The following VEPH1 variants were observed in gnomAD, a reference collection of about 807,000 sequenced individuals.
The protein encoded by VEPH1 is ventricular zone-expressed PH domain-containing protein homolog 1.
VEPH1 carries 80 observed loss-of-function variants against 85.2 expected under a neutral mutation model. The ratio of observed to expected loss-of-function variants is 0.94; its 90% CI spans 0.78 to 1.13. VEPH1 has a LOEUF of 1.13. Ranked by LOEUF, VEPH1 falls within the 50% of genes most tolerant of loss-of-function variation. The pLI, the probability that VEPH1 is intolerant of heterozygous loss-of-function variation, is 0.00. For synonymous variants in VEPH1, 297 were observed against 348.0 expected, an observed-to-expected ratio of 0.85 and a Z score of 1.63; for missense variants, 955 against 980.5, an observed-to-expected ratio of 0.97 and a Z score of 0.35.
chr3:157,295,951 TCTCAAAAAAAAATAAATAAATAAATAAA>T (rs1481019364), intron 11 of VEPH1, among the ~76,000 whole-genome samples: 1 of 151,882 alleles, frequency 6.6e-6, no homozygotes, highest in Admixed American at 6.6e-5. Flanking sequence ...TGAGACTCCA[TCTCAAAAAAAAATAAATAAATAAATAAA>T]TTATGGTCTA....
At chr3:157,408,206 A>G (rs1224102710) in intron 6 of VEPH1, among the ~76,000 whole-genome samples, 1 of 152,040 alleles carries the variant, frequency 6.6e-6, no homozygotes, top group Non-Finnish European at 1.5e-5. Flanking sequence ...TCTTTCATTT[A>G]TGTCACCTCC....
Position 157,338,624 on chromosome 3 carries a change from A to T in VEPH1, c.1736-21423T>A, listed in dbSNP as rs533504595. ...TCTTAACTATTCTGTTTCTTTTTCAATGCTGAGATTCAGATATCATTTATT... is the reference window on the plus strand; with the variant it reads ...TCTTAACTATTCTGTTTCTTTTTCATTGCTGAGATTCAGATATCATTTATT... On this transcript the variant is annotated intron_variant, in intron 9 of 13. Transcript: ENST00000362010. Among the ~76,000 whole-genome samples the T allele has an allele frequency of 8.5e-5, 13 of 152,144 alleles. No homozygotes were observed. The East Asian group carries it at 2.5e-3, about 29-fold the overall frequency.
intron 6 of VEPH1, among the ~76,000 whole-genome samples, chr3:157,394,833 T>G (rs2085315): frequency 0.67 from 101,685 of 151,850 alleles, 34,383 homozygotes; most frequent in East Asian, 0.79. Flanking sequence ...TAGGGGTAAT[T>G]GTGAGTGGTG....
chr3:157,495,138 G>T, intron 2 of VEPH1, 74 bp downstream of exon 2: 6 of 1,440,878 alleles, frequency 4.2e-6, no homozygotes, highest in Non-Finnish European at 5.7e-6. Context: ...AGATCTTTCT[G>T]CCAGGATATA....
intron 6 of VEPH1, among the ~76,000 whole-genome samples, chr3:157,387,304 G>T (rs1220607066): frequency 6.6e-6 from 1 of 152,150 alleles, no homozygotes; most frequent in Non-Finnish European, 1.5e-5. Context: ...AAATGTGGGG[G>T]TCTGGATAAT....
At chr3:157,324,667 GT>G (rs869154248) in intron 9 of VEPH1, among the ~76,000 whole-genome samples, 1,889 of 140,326 alleles carry the variant, frequency 0.013, 42 homozygotes, top group African/African-American at 0.044. Context: ...ACATGATCTT[GT>G]TTTTTTTTTT....
At chr3:157,321,020 A>T (rs1721289382) in intron 9 of VEPH1, among the ~76,000 whole-genome samples, 1 of 151,980 alleles carries the variant, frequency 6.6e-6, no homozygotes, top group South Asian at 2.1e-4. Flanking sequence ...CTATGCCATT[A>T]TATATATATA....
Position 157,381,311 on chromosome 3 carries a change from G to C in VEPH1, c.972C>G (p.His324Gln). 6.2e-7 allele frequency: 1 copy of C among 1,614,196 alleles called. No individual in the cohort carries two copies. Among genetic ancestry groups the C allele is most frequent in the Non-Finnish European group, 8.5e-7 (1 of 1,180,038 alleles). The change falls in exon 7 of 14, where the codon CAC (histidine) becomes CAG (glutamine). Residue 324 changes from histidine (H) to glutamine (Q), a missense_variant. His to Gln is a conservative substitution (Grantham distance 24). Transcript: ENST00000362010. ...SQLANMEHSF[H>Q]HILLLEIKSI... ...TTTTAATCTCCAGCAGGAGAATATGGTGAAACGAATGCTCCATGTTGGCCA... is the reference window on the plus strand; with the variant it reads ...TTTTAATCTCCAGCAGGAGAATATGCTGAAACGAATGCTCCATGTTGGCCA...
At chr3:157,454,765 CCT>C (rs1272128645) in intron 4 of VEPH1, among the ~76,000 whole-genome samples, 1 of 152,078 alleles carries the variant, frequency 6.6e-6, no homozygotes, top group Admixed American at 6.6e-5. Context: ...TCTTCCTACC[CCT>C]CTTTCAGTCC....
chr3:157,461,442 A>G (rs1735864961), intron 3 of VEPH1, among the ~76,000 whole-genome samples: 1 of 152,250 alleles, frequency 6.6e-6, no homozygotes, highest in Non-Finnish European at 1.5e-5. Flanking sequence ...GATGACAGAC[A>G]AAGTTCTGTG....
chr3:157,437,690 G>T, intron 4 of VEPH1: 1 of 1,533,480 alleles, frequency 6.5e-7, no homozygotes. Context: ...GCGAGGCCGT[G>T]CGCGCCGGGG....
At chr3:157,305,027 T>G (rs1183193327) in intron 11 of VEPH1, among the ~76,000 whole-genome samples, 1 of 147,662 alleles carries the variant, frequency 6.8e-6, no homozygotes, top group Non-Finnish European at 1.5e-5. Context: ...TCTCTCACTG[T>G]GTATTGTTAT....
At chr3:157,357,491 G>A (rs1165140242) in intron 9 of VEPH1, among the ~76,000 whole-genome samples, 3 of 151,428 alleles carry the variant, frequency 2.0e-5, no homozygotes, top group African/African-American at 7.3e-5. Flanking sequence ...TGCATTGTAA[G>A]AAACTTTTTT....
intron 2 of VEPH1, among the ~76,000 whole-genome samples, chr3:157,472,202 TA>T (rs1737027517): frequency 6.6e-6 from 1 of 152,180 alleles, no homozygotes; most frequent in East Asian, 1.9e-4. Flanking sequence ...AAAATTTGAA[TA>T]AAAATCATCT....
At chr3:157,501,059 C>T (rs976782253) in intron 1 of VEPH1, among the ~76,000 whole-genome samples, 6 of 152,176 alleles carry the variant, frequency 3.9e-5, no homozygotes, top group Non-Finnish European at 7.3e-5. Flanking sequence ...AGATGGTCCA[C>T]CAGTTAACAC....
At chr3:157,267,102 C>CTTTTTTTTTTTTTTTTTTTTCT (rs10537483) in intron 12 of VEPH1, among the ~76,000 whole-genome samples, 1 of 124,676 alleles carries the variant, frequency 8.0e-6, no homozygotes, top group Admixed American at 8.8e-5. Flanking sequence ...TCTTTTTTTT[C>CTTTTTTTTTTTTTTTTTTTTCT]TTTTTTTTTT....
intron 11 of VEPH1, among the ~76,000 whole-genome samples, chr3:157,312,899 C>CTTT (rs1720261591): frequency 1.2e-5 from 1 of 82,086 alleles, no homozygotes; most frequent in African/African-American, 7.7e-5. Context: ...TAAAAAAAAA[C>CTTT]ATTTTTTTTT....
chr3:157,391,633 A>C (rs1466624016), intron 6 of VEPH1, among the ~76,000 whole-genome samples: 1 of 152,226 alleles, frequency 6.6e-6, no homozygotes, highest in Admixed American at 6.5e-5. Context: ...CTGATAAAGA[A>C]GGAGAAAAAG....
Position 157,428,338 on chromosome 3 carries a change from T to C in VEPH1, c.680A>G (p.Lys227Arg), listed in dbSNP as rs1187614114. The change falls in exon 5 of 14, where the codon AAG becomes AGG. Residue 227 changes from lysine (K) to arginine (R), a missense_variant. Coordinates refer to ENST00000362010, the MANE Select transcript of VEPH1 (RefSeq NM_001167912.2). ...ACTTTTTACCTCGAGTTGTTTTTTC[T>C]TTGCTGCTACATGCAAAAGCCGTAG... is the stretch of plus-strand genomic sequence containing the variant. ...HLLRLLHVAA[K>R]KKQLEVVQKC... 6.2e-7 allele frequency: 1 copy of C among 1,614,146 alleles called. No individual in the cohort carries two copies. The highest frequency in any genetic ancestry group is 1.1e-5 in the South Asian group (1 of 91,066).
Sources: gnomAD v4.1 joint callset for allele counts (sites outside exome capture counted in the v4.1 genomes callset) on GRCh38, gnomAD v4.1.1 for gene constraint, MANE v1.5 for transcripts, NCBI Gene and HGNC (gene_info 2026-07-23, HGNC 2026-07-21) for gene names.